The following UNC93A variants were observed in gnomAD, a reference collection of about 807,000 sequenced individuals.
UNC93A encodes the protein N-acetylglucosamine transporter UNC93A.
UNC93A carries 43 observed loss-of-function variants against 47.5 expected under a neutral mutation model. That is an observed-to-expected ratio of 0.91 (90% CI 0.71 to 1.17). The LOEUF (loss-of-function observed/expected upper bound fraction) is 1.17. UNC93A is among the 50% of genes most tolerant of loss of function. The pLI, the probability that UNC93A is intolerant of heterozygous loss-of-function variation, is 0.00. For missense variants in UNC93A, 605 were observed against 577.6 expected, an observed-to-expected ratio of 1.05 and a Z score of -0.49; for synonymous variants, 280 against 258.0, an observed-to-expected ratio of 1.09 and a Z score of -0.82.
chr6:167,289,195 G>T (rs1783797862), upstream of UNC93A, among the ~76,000 whole-genome samples: 1 of 152,280 alleles, frequency 6.6e-6, no homozygotes, highest in African/African-American at 2.4e-5. Flanking sequence ...CTCCATGTCT[G>T]CAGGAATGTG....
At chr6:167,304,862 G>T (rs1333320696) in intron 5 of UNC93A, among the ~76,000 whole-genome samples, 1 of 152,204 alleles carries the variant, frequency 6.6e-6, no homozygotes, top group Non-Finnish European at 1.5e-5. Context: ...GAGCCACTGT[G>T]CCTGGCACCT....
upstream of UNC93A, among the ~76,000 whole-genome samples, chr6:167,289,863 A>C (rs1277723960): frequency 1.3e-5 from 2 of 152,158 alleles, no homozygotes; most frequent in Non-Finnish European, 2.9e-5. Flanking sequence ...GGTTAGTATG[A>C]AGAAGTCCAC....
intron 1 of UNC93A, among the ~76,000 whole-genome samples, chr6:167,277,920 C>T (rs1047270043): frequency 1.3e-5 from 2 of 152,132 alleles, no homozygotes; most frequent in Admixed American, 6.5e-5. Context: ...CCTCCCAGGC[C>T]CTGGCAGAGC....
intron 4 of UNC93A, among the ~76,000 whole-genome samples, chr6:167,300,955 C>T (rs1778225846): frequency 6.6e-6 from 1 of 152,246 alleles, no homozygotes; most frequent in Non-Finnish European, 1.5e-5. Context: ...AAGTATCTTT[C>T]TGAGGATCAT....
chr6:167,300,467 G>A (rs1778211154), intron 4 of UNC93A, among the ~76,000 whole-genome samples: 1 of 152,120 alleles, frequency 6.6e-6, no homozygotes, highest in African/African-American at 2.4e-5. Flanking sequence ...AGGAGGCTCA[G>A]GGGGGAGGCT....
intron 4 of UNC93A, among the ~76,000 whole-genome samples, chr6:167,301,523 G>C (rs554999912): frequency 1.3e-5 from 2 of 152,298 alleles, no homozygotes; most frequent in Admixed American, 6.5e-5. Flanking sequence ...TCATAGTCAA[G>C]TTTCTTGCAA....
intron 1 of UNC93A, among the ~76,000 whole-genome samples, chr6:167,292,007 T>C (rs188595679): frequency 2.4e-4 from 36 of 152,328 alleles, no homozygotes; most frequent in Non-Finnish European, 4.7e-4. Flanking sequence ...TAAGCTAAAC[T>C]GTGAACTTTG....
chr6:167,287,804 C>T (rs565556175), upstream of UNC93A, among the ~76,000 whole-genome samples: 13 of 152,126 alleles, frequency 8.5e-5, no homozygotes. Context: ...TACACGATCC[C>T]CCTGACTATG....
chr6:167,287,913 C>G (rs530365954), upstream of UNC93A, among the ~76,000 whole-genome samples: 66 of 152,196 alleles, frequency 4.3e-4, no homozygotes, highest in Non-Finnish European at 9.0e-4. Context: ...AGCTGCTGCT[C>G]TCCTTCATTC....
At chr6:167,312,203 G>A (rs1160960644) in intron 7 of UNC93A, among the ~76,000 whole-genome samples, 1 of 151,514 alleles carries the variant, frequency 6.6e-6, no homozygotes, top group Admixed American at 6.6e-5. Flanking sequence ...ACAGCTCCCT[G>A]GTGAGGCACT....
At chr6:167,304,752 T>G (rs13214241) in intron 5 of UNC93A, among the ~76,000 whole-genome samples, 39,817 of 151,916 alleles carry the variant, frequency 0.26, 5,260 homozygotes, top group Middle Eastern at 0.32. Flanking sequence ...GTATTTTTAG[T>G]AGAGACAGGG....
intron 3 of UNC93A, 131 bp downstream of exon 3, chr6:167,296,392 G>C: frequency 1.1e-6 from 1 of 951,884 alleles, no homozygotes; most frequent in Non-Finnish European, 1.6e-6. Context: ...AGGCCCCACA[G>C]GTGAGATTCT....
At chr6:167,311,747 T>C (rs1303105835) in intron 7 of UNC93A, among the ~76,000 whole-genome samples, 2 of 152,292 alleles carry the variant, frequency 1.3e-5, no homozygotes, top group African/African-American at 4.8e-5. Context: ...AATACAGCTT[T>C]TATTTTGAAA....
At chr6:167,293,151 G>A (rs1032634370) in intron 1 of UNC93A, among the ~76,000 whole-genome samples, 1 of 152,150 alleles carries the variant, frequency 6.6e-6, no homozygotes, top group African/African-American at 2.4e-5. Flanking sequence ...GCCTCATTGG[G>A]GAATCACTCA....
upstream of UNC93A, among the ~76,000 whole-genome samples, chr6:167,270,063 T>TGG (rs1247578866): frequency 4.8e-3 from 72 of 14,960 alleles, 1 homozygote; most frequent in Middle Eastern, 0.036. Flanking sequence ...GGGGTGGGGG[T>TGG]GGGGGGGGGG....
intron 7 of UNC93A, among the ~76,000 whole-genome samples, chr6:167,314,819 A>C (rs1778648338): frequency 6.6e-6 from 1 of 152,126 alleles, no homozygotes; most frequent in Non-Finnish European, 1.5e-5. Context: ...GGACAAAACC[A>C]ATGCTCATCT....
At chr6:167,279,094 G>C (rs16900164) in intron 1 of UNC93A, among the ~76,000 whole-genome samples, 36,707 of 152,174 alleles carry the variant, frequency 0.24, 5,011 homozygotes, top group Non-Finnish European at 0.32. Flanking sequence ...TTCCTGCAGA[G>C]TGGTACAAAT....
Position 167,294,498 on chromosome 6 carries a change from G to C in UNC93A, c.88-19G>C, listed in dbSNP as rs757701587. ...TGTGTCCATCCTGTGCTCTGACAGG[G>C]CTGGCTTTGTTCCCACAGAGCAGCC... is the stretch of plus-strand genomic sequence containing the variant. On this transcript the variant is annotated intron_variant, in intron 1 of 7. Transcript: ENST00000230256. 6.2e-7 allele frequency: 1 copy of C among 1,613,240 alleles called. No homozygotes were observed. Among genetic ancestry groups the C allele is most frequent in the South Asian group, 1.1e-5 (1 of 91,060 alleles).
intron 1 of UNC93A, among the ~76,000 whole-genome samples, chr6:167,279,838 G>A (rs1466920755): frequency 6.6e-6 from 1 of 152,204 alleles, no homozygotes; most frequent in East Asian, 1.9e-4. Context: ...AATAAAAGAA[G>A]TTGGCATGCA....
Sources: allele counts gnomAD v4.1 joint callset (sites outside exome capture counted in the v4.1 genomes callset), GRCh38; gene constraint gnomAD v4.1.1; transcripts MANE v1.5; gene names NCBI Gene and HGNC (gene_info 2026-07-23, HGNC 2026-07-21).